Variants in SLC6A15 observed in about 807,000 individuals in gnomAD.
The protein encoded by SLC6A15 is solute carrier family 6 member 15, also known as sodium-dependent neutral amino acid transporter B(0)AT2.
SLC6A15 carries 33 observed loss-of-function variants against 68.5 expected under a neutral mutation model. The observed-to-expected ratio is 0.48, with a 90% CI of 0.37 to 0.64. SLC6A15 has a LOEUF of 0.64. Ranked by LOEUF, SLC6A15 falls within the 30% of genes least tolerant of loss-of-function variation. The pLI, the probability that SLC6A15 is intolerant of heterozygous loss-of-function variation, is 0.00. For synonymous variants in SLC6A15, 347 were observed against 301.0 expected (o/e 1.15, Z -1.58); for missense variants, 747 against 874.3 (o/e 0.85, Z 1.84).
chr12:84,904,227 G>GAGAGAGAGAGAC (rs1873028453), intron 1 of SLC6A15, among the ~76,000 whole-genome samples: 1 of 148,388 alleles, frequency 6.7e-6, no homozygotes, highest in Non-Finnish European at 1.5e-5. Flanking sequence ...CGGAGGGGGA[G>GAGAGAGAGAGAC]AGAGAGAGAG....
intron 1 of SLC6A15, among the ~76,000 whole-genome samples, chr12:84,898,964 G>C (rs887994831): frequency 6.6e-6 from 1 of 152,126 alleles, no homozygotes; most frequent in African/African-American, 2.4e-5. Flanking sequence ...TCTTGAATTC[G>C]GTCCTGCACT....
intron 5 of SLC6A15, among the ~76,000 whole-genome samples, chr12:84,880,685 G>C (rs1046278727): frequency 1.4e-4 from 22 of 152,254 alleles, no homozygotes; most frequent in African/African-American, 4.8e-4. Context: ...AAAGAAACAT[G>C]CTCCTTTGAC....
At chr12:84,875,663 T>G (rs1871488337) in intron 6 of SLC6A15, among the ~76,000 whole-genome samples, 1 of 10,730 alleles carries the variant, frequency 9.3e-5, no homozygotes, top group African/African-American at 9.9e-5. Context: ...TATATATATA[T>G]ATATATATAT....
intron 1 of SLC6A15, among the ~76,000 whole-genome samples, chr12:84,906,982 A>T (rs943928532): frequency 5.9e-5 from 9 of 152,132 alleles, no homozygotes; most frequent in Admixed American, 5.2e-4. Flanking sequence ...GATGGAAAAA[A>T]AAAAGCTTAA....
At chr12:84,907,304 C>T (rs1019821708) in intron 1 of SLC6A15, among the ~76,000 whole-genome samples, 5 of 151,546 alleles carry the variant, frequency 3.3e-5, no homozygotes, top group African/African-American at 9.7e-5. Context: ...GCTGAGATCG[C>T]GCCACTGAAC....
At chr12:84,897,948 T>G (rs1411489439) in intron 1 of SLC6A15, among the ~76,000 whole-genome samples, 1 of 152,080 alleles carries the variant, frequency 6.6e-6, no homozygotes, top group Non-Finnish European at 1.5e-5. Flanking sequence ...AATTGTGAAT[T>G]AAATTACCAA....
chr12:84,894,824 T>C (rs1872569809), intron 1 of SLC6A15, among the ~76,000 whole-genome samples: 1 of 152,096 alleles, frequency 6.6e-6, no homozygotes, highest in Non-Finnish European at 1.5e-5. Context: ...AAAAAATCAG[T>C]ATCTAATGTA....
chr12:84,873,742 T>C (rs959205218), intron 6 of SLC6A15, among the ~76,000 whole-genome samples: 1 of 152,210 alleles, frequency 6.6e-6, no homozygotes, highest in African/African-American at 2.4e-5. Context: ...ATGTTTTGTG[T>C]TTTCTGCTGT....
At position 84,883,224 on chromosome 12, in the gene SLC6A15, AAT is replaced by A. The variant is rs201412200; in HGVS notation, c.756+633_756+634del. 9.3e-4 allele frequency: 917 copies of A among 985,264 alleles called. 5 individuals are homozygous for A. The African/African-American group carries it at 0.015, about 16-fold the overall frequency. 61.0% of individuals were successfully genotyped at this position (985,264 alleles called of 1,614,324 possible). ...TTACTTTCCTAGAGCGTCCTTTAAA[AAT>A]AATAACAAACAAGCTACCTAGAATT... On this transcript the variant is annotated intron_variant, in intron 5 of 11. Coordinates refer to ENST00000266682, the MANE Select transcript of SLC6A15 (RefSeq NM_182767.6).
At chr12:84,883,151 G>GAAAAAAA (rs60034973) in intron 5 of SLC6A15, 1 of 636,100 alleles carries the variant, frequency 1.6e-6, no homozygotes, top group African/African-American at 2.1e-5. Flanking sequence ...CTGTGATAAT[G>GAAAAAAA]AAAAAAAAAA....
At chr12:84,884,628 A>T (rs1354379351) in intron 4 of SLC6A15, among the ~76,000 whole-genome samples, 2 of 152,012 alleles carry the variant, frequency 1.3e-5, no homozygotes, top group East Asian at 3.9e-4. Context: ...AATTTAAACA[A>T]ATCAGGTTTA....
intron 10 of SLC6A15, among the ~76,000 whole-genome samples, chr12:84,865,690 A>G (rs1871034500): frequency 6.6e-6 from 1 of 152,186 alleles, no homozygotes; most frequent in Non-Finnish European, 1.5e-5. Flanking sequence ...TTTCCATATT[A>G]TAATATAGGG....
At chr12:84,898,992 C>A (rs1044269519) in intron 1 of SLC6A15, among the ~76,000 whole-genome samples, 1 of 152,296 alleles carries the variant, frequency 6.6e-6, no homozygotes, top group South Asian at 2.1e-4. Context: ...TCTGTCAGTT[C>A]CAAGAAGGTG....
chr12:84,882,944 C>T, intron 5 of SLC6A15: 1 of 827,400 alleles, frequency 1.2e-6, no homozygotes, highest in Non-Finnish European at 1.5e-6. Context: ...ACTACTTCTA[C>T]TATTGCTGCT....
chr12:84,875,648 C>A (rs1228341376), intron 6 of SLC6A15, among the ~76,000 whole-genome samples: 2 of 93,074 alleles, frequency 2.1e-5, no homozygotes, highest in Non-Finnish European at 2.1e-5. Flanking sequence ...GTGGGGTGCA[C>A]CATATATATA....
At chr12:84,865,539 A>G (rs1382384318) in intron 10 of SLC6A15, among the ~76,000 whole-genome samples, 1 of 152,226 alleles carries the variant, frequency 6.6e-6, no homozygotes, top group Non-Finnish European at 1.5e-5. Context: ...GGACAAATGT[A>G]TAATGACGTG....
At chr12:84,876,844 A>G (rs1274213322) in intron 5 of SLC6A15, among the ~76,000 whole-genome samples, 1 of 152,216 alleles carries the variant, frequency 6.6e-6, no homozygotes, top group African/African-American at 2.4e-5. Context: ...GAAAAAATCC[A>G]TCAGCTATGG....
At chr12:84,870,245 A>C (rs1214646176) in intron 9 of SLC6A15, among the ~76,000 whole-genome samples, 1 of 150,334 alleles carries the variant, frequency 6.7e-6, no homozygotes, top group Non-Finnish European at 1.5e-5. Flanking sequence ...TATTTATTAT[A>C]AATGATAAAA....
At chr12:84,897,871 T>C (rs934062120) in intron 1 of SLC6A15, among the ~76,000 whole-genome samples, 1 of 152,084 alleles carries the variant, frequency 6.6e-6, no homozygotes, top group African/African-American at 2.4e-5. Flanking sequence ...TGTTGAAGAA[T>C]AGAAGTGAAC....
Sources: gnomAD v4.1 joint callset for allele counts (sites outside exome capture counted in the v4.1 genomes callset) on GRCh38, gnomAD v4.1.1 for gene constraint, MANE v1.5 for transcripts, NCBI Gene and HGNC (gene_info 2026-07-23, HGNC 2026-07-21) for gene names.